Variants in C5orf22 observed in about 807,000 individuals in gnomAD.
C5orf22 encodes chromosome 5 open reading frame 22.
Under a neutral mutation model 48.7 loss-of-function variants are expected in C5orf22, and 36 were observed. The ratio of observed to expected loss-of-function variants is 0.74; its 90% CI spans 0.57 to 0.98. The LOEUF is 0.98. C5orf22 is among the 50% of genes least tolerant of loss of function. C5orf22 has a pLI of 0.00. For synonymous variants in C5orf22, 141 were observed against 180.8 expected (o/e 0.78, Z 1.76); for missense variants, 486 against 521.9 (o/e 0.93, Z 0.67).
At chr5:31,541,233 T>G in intron 5 of C5orf22, 48 bp from the exon 6 acceptor site, 6 of 1,576,526 alleles carry the variant, frequency 3.8e-6, no homozygotes, top group Non-Finnish European at 5.2e-6. Flanking sequence ...TGTTGCTTGT[T>G]TTTTGAAAGA....
chr5:31,535,841 G>C lies in C5orf22; in HGVS notation c.325G>C (p.Glu109Gln). ...FHPTWAQQIR[E>Q]GRHHFLVGKD... is the part of the protein sequence containing the mutation. ...TCCCACATGGGCTCAGCAGATCAGA[G>C]AGGGCAGACACCACTTTTTAGTAGG... The change falls in exon 3 of 9, where the codon GAG becomes CAG. Residue 109 changes from glutamate to glutamine, a missense_variant. Glu to Gln is a conservative substitution (Grantham distance 29, BLOSUM62 2). Around this residue, in one of 3 missense-constraint regions of C5orf22, gnomAD observed 408 missense variants for 444.0 expected, o/e 0.92. Coordinates refer to ENST00000325366, the MANE Select transcript of C5orf22 (RefSeq NM_018356.3). 4 of 1,613,800 alleles carry C rather than the reference G, an allele frequency of 2.5e-6. No homozygotes were observed. In the South Asian group the frequency reaches 4.4e-5, roughly 18 times the overall value.
At chr5:31,546,613 G>A (rs1463659803) in intron 7 of C5orf22, among the ~76,000 whole-genome samples, 4 of 152,176 alleles carry the variant, frequency 2.6e-5, no homozygotes, top group African/African-American at 4.8e-5. Flanking sequence ...ATATGATTGG[G>A]GAGACCTCAT....
chr5:31,552,574 T>C (rs760419250), intron 8 of C5orf22, among the ~76,000 whole-genome samples, 199 bp from the exon 9 acceptor site: 26 of 152,206 alleles, frequency 1.7e-4, no homozygotes, highest in Non-Finnish European at 3.5e-4. Context: ...TTCATAGAGT[T>C]GCTGTGAAAA....
chr5:31,537,345 G>A (rs1742159722), intron 3 of C5orf22, among the ~76,000 whole-genome samples: 2 of 152,208 alleles, frequency 1.3e-5, no homozygotes, highest in Admixed American at 6.5e-5. Context: ...TGTATGATAG[G>A]AACATGGGAG....
intron 2 of C5orf22, 190 bp downstream of exon 2, chr5:31,534,607 T>C (rs1309978759): frequency 1.7e-6 from 1 of 577,914 alleles, no homozygotes; most frequent in East Asian, 3.0e-5. Flanking sequence ...GCAAATATTT[T>C]AGGTTTGCTG....
chr5:31,532,944 T>A (rs1204362669), intron 1 of C5orf22, among the ~76,000 whole-genome samples: 1 of 152,036 alleles, frequency 6.6e-6, no homozygotes, highest in Non-Finnish European at 1.5e-5. Flanking sequence ...GTGCATACTG[T>A]GTTTAAAAAT....
intron 3 of C5orf22, among the ~76,000 whole-genome samples, chr5:31,536,994 TGTC>T (rs1408023091): frequency 6.6e-6 from 1 of 152,242 alleles, no homozygotes; most frequent in Non-Finnish European, 1.5e-5. Context: ...TATATAATCT[TGTC>T]GTTTGCACAA....
chr5:31,541,003 C>G lies in C5orf22; in HGVS notation c.862C>G (p.Leu288Val). Residue 288 changes from leucine (L) to valine (V), a missense_variant, in exon 5 of 9, where the codon CTA (leucine) becomes GTA (valine). Around this residue, in one of 3 missense-constraint regions of C5orf22, gnomAD observed 408 missense variants for 444.0 expected, o/e 0.92. Coordinates refer to ENST00000325366, the MANE Select transcript of C5orf22 (RefSeq NM_018356.3). ...CCAATTTAAGAAACCTGGCACCAAC[C>G]TAACAGAGGTATCCTCCATTTGTTT... ...LYQFKKPGTN[L>V]TEEDLVDIVD... 1 of 1,608,812 alleles carries G rather than the reference C, an allele frequency of 6.2e-7. No individual in the cohort carries two copies. Among genetic ancestry groups the G allele is most frequent in the South Asian group, 1.1e-5 (1 of 90,840 alleles).
At chr5:31,536,543 A>C (rs1742106671) in intron 3 of C5orf22, among the ~76,000 whole-genome samples, 1 of 151,652 alleles carries the variant, frequency 6.6e-6, no homozygotes, top group African/African-American at 2.4e-5. Flanking sequence ...CAAAAAACAA[A>C]CAAACAAAAA....
At chr5:31,539,889 AT>A (rs1396979244) in intron 4 of C5orf22, among the ~76,000 whole-genome samples, 26 of 150,822 alleles carry the variant, frequency 1.7e-4, no homozygotes, top group East Asian at 1.6e-3. Context: ...TTAAAAAAAA[AT>A]TTTTTTTTTA....
intron 6 of C5orf22, among the ~76,000 whole-genome samples, chr5:31,543,081 A>C (rs1352489649): frequency 6.6e-6 from 1 of 152,190 alleles, no homozygotes; most frequent in Non-Finnish European, 1.5e-5. Context: ...ATGAGTGAGA[A>C]ATTACTTCTT....
At chr5:31,534,145 T>C (rs527576352) in intron 1 of C5orf22, 127 bp from the exon 2 acceptor site, 89 of 826,488 alleles carry the variant, frequency 1.1e-4, no homozygotes, top group Non-Finnish European at 1.4e-4. Flanking sequence ...TTTATGTTTT[T>C]CCACTTTACA....
intron 6 of C5orf22, among the ~76,000 whole-genome samples, 195 bp downstream of exon 6, chr5:31,541,597 AG>A (rs11319492): frequency 0.026 from 4,002 of 152,242 alleles, 71 homozygotes; most frequent in Middle Eastern, 0.051. Context: ...CTCTAAAAAA[AG>A]GTTTTTTAAT....
chr5:31,537,418 T>C (rs1742165252), intron 3 of C5orf22, among the ~76,000 whole-genome samples: 2 of 152,244 alleles, frequency 1.3e-5, no homozygotes, highest in Non-Finnish European at 1.5e-5. Flanking sequence ...CTTAGGGTTG[T>C]ACAGTTTTAA....
chr5:31,551,405 C>T lies in C5orf22; in HGVS notation c.1172C>T (p.Pro391Leu). The T allele has an allele frequency of 1.2e-6, 2 of 1,612,380 alleles. No homozygotes were observed. The highest frequency in any genetic ancestry group is 1.7e-6 in the Non-Finnish European group (2 of 1,179,522). ...GTGCATTATTTGCTGAAAAATTTAC[C>T]AAATCCTACTCTTGTGACAATTGCA... ...QSVHYLLKNL[P>L]NPTLVTIARS... Residue 391 changes from proline (P) to leucine (L), a missense_variant, in exon 8 of 9, where the codon CCA (proline) becomes CTA (leucine). Physicochemically the swap from Pro to Leu is moderately conservative, Grantham distance 98. Around this residue, in one of 3 missense-constraint regions of C5orf22, gnomAD observed 408 missense variants for 444.0 expected, o/e 0.92. Coordinates refer to ENST00000325366, the MANE Select transcript of C5orf22 (RefSeq NM_018356.3).
chr5:31,546,819 G>A (rs1375020328), intron 7 of C5orf22, among the ~76,000 whole-genome samples: 1 of 152,136 alleles, frequency 6.6e-6, no homozygotes, highest in Non-Finnish European at 1.5e-5. Flanking sequence ...TGGGAATTGT[G>A]GGGGTTACAA....
In C5orf22 at chr5:31,533,175, A is replaced by G. The variant is rs1143193; in HGVS notation, c.81+702A>G. Among the ~76,000 whole-genome samples the G allele has an allele frequency of 5.8e-4, 89 of 152,180 alleles. 1 individual carries two copies. The highest frequency in any genetic ancestry group is 2.5e-3 in the East Asian group (13 of 5,146). ...TCGCCACGTTAGCCAGGATGGTCTGAAAGTCTGACCTCACGTGATCGGCCC... is the reference window on the plus strand; with the variant it reads ...TCGCCACGTTAGCCAGGATGGTCTGGAAGTCTGACCTCACGTGATCGGCCC... On this transcript the variant is annotated intron_variant, in intron 1 of 8. Coordinates refer to ENST00000325366, the MANE Select transcript of C5orf22 (RefSeq NM_018356.3).
intron 6 of C5orf22, among the ~76,000 whole-genome samples, chr5:31,543,352 G>T (rs750529705): frequency 6.6e-6 from 1 of 152,156 alleles, no homozygotes; most frequent in East Asian, 1.9e-4. Context: ...CAGATCGCCT[G>T]AGCTCAGGAG....
intron 3 of C5orf22, 31 bp downstream of exon 3, chr5:31,535,924 T>G: frequency 3.1e-6 from 5 of 1,595,764 alleles, no homozygotes; most frequent in Non-Finnish European, 4.3e-6. Flanking sequence ...AATATGGAAG[T>G]GATTGAATGT....
Sources: gnomAD v4.1 joint callset for allele counts (sites outside exome capture counted in the v4.1 genomes callset) on GRCh38, gnomAD v4.1.1 for gene constraint, gnomAD v4.1.1 regional missense constraint, MANE v1.5 for transcripts, NCBI Gene and HGNC (gene_info 2026-07-23, HGNC 2026-07-21) for gene names.